Variants in IGF1R observed in about 807,000 individuals in gnomAD.
The protein encoded by IGF1R is insulin-like growth factor 1 receptor.
Under a neutral mutation model 144.6 loss-of-function variants are expected in IGF1R, and 44 were observed. That is an observed-to-expected ratio of 0.30 (90% confidence interval 0.24 to 0.39). The LOEUF (loss-of-function observed/expected upper bound fraction) is 0.39, where lower values mean the gene tolerates loss of function less well. Among genes scored for constraint, IGF1R ranks in the 10% least tolerant of loss-of-function variants. IGF1R has a pLI of 1.00. For synonymous variants in IGF1R, 795 were observed against 722.8 expected (o/e 1.10, Z -1.60); for missense variants, 1,355 against 1,833.7 (o/e 0.74, Z 4.77).
chr15:98,883,793 G>T (rs939817757), intron 2 of IGF1R, among the ~76,000 whole-genome samples: 5 of 152,146 alleles, frequency 3.3e-5, no homozygotes, highest in Admixed American at 2.6e-4. Flanking sequence ...TCGCCGGGCT[G>T]CCTCTGCCTC....
At position 98,964,460 on chromosome 15, in the gene IGF1R, G is replaced by C. The variant is rs1203942885; in HGVS notation, c.*7018G>C. ...AATGGCTGAAGCTAAGGCAACGTTA[G>C]TTTCTCTTACTCTGCTTTTTTCTAG... On this transcript the variant is annotated 3_prime_UTR_variant, in exon 21 of 21. Transcript: ENST00000650285. The C allele has an allele frequency of 8.9e-6, 2 of 225,080 alleles. No homozygotes were observed. The highest frequency in any genetic ancestry group is 4.5e-5 in the African/African-American group (2 of 44,724). 13.9% of individuals were successfully genotyped at this position (225,080 alleles called of 1,614,324 possible). A position where few individuals can be genotyped will look rare whatever the true frequency, so the allele number is the denominator to read the frequency against.
At chr15:98,864,805 G>A (rs1024835550) in intron 2 of IGF1R, among the ~76,000 whole-genome samples, 3 of 152,220 alleles carry the variant, frequency 2.0e-5, no homozygotes, top group African/African-American at 7.2e-5. Flanking sequence ...CTCCTCAAGT[G>A]TAACATTTTA....
rs1319106856 is a variant in IGF1R, at chr15:98,959,162, C to G, written c.*1720C>G. The stretch of plus-strand genomic sequence containing the variant: ...CCGTGGTTGAGAAGCCTCACCCTCT[C>G]TTTCCCTTGCCTTTGCTTAGGTTGT... On this transcript the variant is annotated 3_prime_UTR_variant, in exon 21 of 21. Coordinates refer to ENST00000650285, the MANE Select transcript of IGF1R (RefSeq NM_000875.5). 1.3e-5 allele frequency: 3 copies of G among 233,418 alleles called. No individual in the cohort carries two copies. Among genetic ancestry groups the G allele is most frequent in the Non-Finnish European group, 2.5e-5 (3 of 118,056 alleles). The allele number at this position is 233,418 out of a possible 1,614,324, so 14.5% of individuals were successfully genotyped here. A position where few individuals can be genotyped will look rare whatever the true frequency, so the allele number is the denominator to read the frequency against.
intron 2 of IGF1R, among the ~76,000 whole-genome samples, chr15:98,843,585 TCTG>T (rs1266468374): frequency 1.3e-5 from 2 of 152,166 alleles, no homozygotes. Flanking sequence ...TATTTTAAAA[TCTG>T]CTGTGTGAGA....
intron 2 of IGF1R, among the ~76,000 whole-genome samples, chr15:98,813,900 A>G (rs1010020440): frequency 3.3e-5 from 5 of 152,210 alleles, no homozygotes; most frequent in East Asian, 3.8e-4. Flanking sequence ...CACCATTGTA[A>G]TTGTATTAAT....
rs771228557 is a variant in IGF1R, at chr15:98,908,809, G to A, written c.1372G>A (p.Glu458Lys). 5.6e-6 allele frequency: 9 copies of A among 1,614,030 alleles called. No individual in the cohort carries two copies. The highest frequency in any genetic ancestry group is 5.0e-5 in the Admixed American group (3 of 59,988). ...FAFNPKLCVSEIYRMEEVTGT... is the reference protein window; with the variant it reads ...FAFNPKLCVSKIYRMEEVTGT... Reference sequence around the variant, plus strand: ...TTTCAATCCCAAATTATGTGTTTCCGAAATTTACCGCATGGAGGAAGTGAC... The same window carrying A: ...TTTCAATCCCAAATTATGTGTTTCCAAAATTTACCGCATGGAGGAAGTGAC... Residue 458 changes from glutamate to lysine, a missense_variant, in exon 6 of 21, where the codon GAA (glutamate) becomes AAA (lysine). Glu to Lys is a moderately conservative substitution (Grantham distance 56, BLOSUM62 1). Around this residue, in one of 7 missense-constraint regions of IGF1R, gnomAD observed 880 missense variants for 1,202.7 expected, o/e 0.73. Transcript: ENST00000650285.
At chr15:98,775,409 G>A (rs186786416) in intron 2 of IGF1R, among the ~76,000 whole-genome samples, 1 of 152,254 alleles carries the variant, frequency 6.6e-6, no homozygotes, top group African/African-American at 2.4e-5. Flanking sequence ...TCCAGGGGTG[G>A]GACTGGGCAT....
intron 2 of IGF1R, among the ~76,000 whole-genome samples, chr15:98,717,691 G>C (rs571012018): frequency 6.6e-6 from 1 of 152,112 alleles, no homozygotes; most frequent in Non-Finnish European, 1.5e-5. Flanking sequence ...TGCAAGTTTG[G>C]TATTTGGGAG....
At chr15:98,689,168 T>A (rs1397166797) in intron 1 of IGF1R, among the ~76,000 whole-genome samples, 1 of 152,148 alleles carries the variant, frequency 6.6e-6, no homozygotes, top group Non-Finnish European at 1.5e-5. Flanking sequence ...AGATTTTTTT[T>A]GGTTGCTTGG....
At chr15:98,950,852 AGTCTCAGAAATCATT>A (rs1458925102) in intron 20 of IGF1R, among the ~76,000 whole-genome samples, 38 of 152,216 alleles carry the variant, frequency 2.5e-4, no homozygotes, top group African/African-American at 8.7e-4. Context: ...AGAATTCCAT[AGTCTCAGAAATCATT>A]GTCCCTAATC....
At chr15:98,866,174 A>C (rs958618433) in intron 2 of IGF1R, among the ~76,000 whole-genome samples, 3 of 152,198 alleles carry the variant, frequency 2.0e-5, no homozygotes, top group African/African-American at 7.2e-5. Flanking sequence ...TCAGAGCCCA[A>C]ATCTCAGCGG....
intron 2 of IGF1R, among the ~76,000 whole-genome samples, chr15:98,710,460 T>C (rs1406976902): frequency 3.3e-5 from 5 of 152,188 alleles, no homozygotes; most frequent in African/African-American, 4.8e-5. Flanking sequence ...ACGTGGCTTA[T>C]TGAGTACTTG....
rs1317899503 is a variant in IGF1R at position 98,961,033 on chromosome 15, C to G, written c.*3591C>G. 1 of 233,634 alleles carries G rather than the reference C, an allele frequency of 4.3e-6. No individual in the cohort carries two copies. The highest frequency in any genetic ancestry group is 8.5e-6 in the Non-Finnish European group (1 of 118,062). The allele number at this position is 233,634 out of a possible 1,614,324, so 14.5% of individuals were successfully genotyped here. On this transcript the variant is annotated 3_prime_UTR_variant, in exon 21 of 21. Transcript: ENST00000650285. ...TTTCGCTGGGAAGTGTGGCGGGCAG[C>G]TTTGCCTAAGCGTGGATGGCTCCTC...
At position 98,899,320 on chromosome 15, in the gene IGF1R, G is replaced by C. The variant is rs2014357320; in HGVS notation, c.1103-157G>C. Among the ~76,000 whole-genome samples, 4 of 152,332 alleles carry C rather than the reference G, an allele frequency of 2.6e-5. No homozygotes were observed. In the South Asian group the frequency reaches 8.3e-4, roughly 32 times the overall value. ...GGAGTCGTTGTTGAGAGTCAAGCCA[G>C]GGAAGTGTGTTTTTGTCAGGGAGCA... On this transcript the variant is annotated intron_variant, in intron 4 of 20. Coordinates refer to ENST00000650285, the MANE Select transcript of IGF1R (RefSeq NM_000875.5).
At chr15:98,738,111 G>C (rs1014795267) in intron 2 of IGF1R, among the ~76,000 whole-genome samples, 4 of 152,194 alleles carry the variant, frequency 2.6e-5, no homozygotes, top group African/African-American at 9.7e-5. Context: ...TGACAGATGG[G>C]CCTGCTTATA....
chr15:98,671,527 G>T (rs2052891775), intron 1 of IGF1R, among the ~76,000 whole-genome samples: 1 of 152,200 alleles, frequency 6.6e-6, no homozygotes, highest in South Asian at 2.1e-4. Context: ...GAGACTGGGG[G>T]CTTCCTTATT....
chr15:98,784,210 C>A (rs1001474677), intron 2 of IGF1R, among the ~76,000 whole-genome samples: 5 of 151,902 alleles, frequency 3.3e-5, no homozygotes, highest in African/African-American at 4.8e-5. Flanking sequence ...GCTGGGATTA[C>A]AGGCGTGAGC....
At chr15:98,778,411 A>C (rs929293009) in intron 2 of IGF1R, among the ~76,000 whole-genome samples, 1 of 152,112 alleles carries the variant, frequency 6.6e-6, no homozygotes, top group Non-Finnish European at 1.5e-5. Flanking sequence ...TCTGTTATTC[A>C]TGTCATTTTG....
intron 2 of IGF1R, among the ~76,000 whole-genome samples, chr15:98,850,956 A>T (rs1020505242): frequency 6.6e-6 from 1 of 152,152 alleles, no homozygotes; most frequent in Non-Finnish European, 1.5e-5. Context: ...CTCAGGGTCT[A>T]CTGAGGTGGA....
Sources: gnomAD v4.1 joint callset for allele counts (sites outside exome capture counted in the v4.1 genomes callset) on GRCh38, gnomAD v4.1.1 for gene constraint, gnomAD v4.1.1 regional missense constraint, MANE v1.5 for transcripts, NCBI Gene and HGNC (gene_info 2026-07-23, HGNC 2026-07-21) for gene names.